Variants in CLCN4 observed in about 807,000 individuals in gnomAD.
The protein encoded by CLCN4 is H(+)/Cl(-) exchange transporter 4.
In CLCN4, 1 loss-of-function variant was observed where a neutral mutation model predicts 41.7. That is an observed-to-expected ratio of 0.02 (90% confidence interval 0.01 to 0.11). The LOEUF is 0.11. CLCN4 is among the 10% of genes least tolerant of loss of function. The pLI is 1.00. For missense variants in CLCN4, 287 were observed against 661.0 expected, an observed-to-expected ratio of 0.43 and a Z score of 6.20; for synonymous variants, 277 against 285.8, an observed-to-expected ratio of 0.97 and a Z score of 0.31.
At position 10,237,043 on chromosome X, in the gene CLCN4, T is replaced by C. The variant is rs960202482; in HGVS notation, c.*3459T>C. 1 of 112,404 alleles carries C rather than the reference T, an allele frequency of 8.9e-6. No homozygotes were observed. Among genetic ancestry groups the C allele is most frequent in the Non-Finnish European group, 1.9e-5 (1 of 53,297 alleles). 9.3% of individuals were successfully genotyped at this position (112,404 alleles called of 1,213,427 possible). On this transcript the variant is annotated 3_prime_UTR_variant, in exon 13 of 13. Coordinates refer to ENST00000380833, the MANE Select transcript of CLCN4 (RefSeq NM_001830.4). Reference sequence around the variant, plus strand: ...GTCGAAGTCATTCAATATTCAGTGCTTACTGTTACTTTGAACCAGGTAATC... The same window carrying C: ...GTCGAAGTCATTCAATATTCAGTGCCTACTGTTACTTTGAACCAGGTAATC...
At position 10,174,532 on chromosome X, in the gene CLCN4, G is replaced by A. The variant is rs750035584; in HGVS notation, c.-11-10490G>A. Among the ~76,000 whole-genome samples, 207 of 112,679 alleles carry A rather than the reference G, an allele frequency of 1.8e-3. 1 individual carries two copies. Among genetic ancestry groups the A allele is most frequent in the African/African-American group, 6.4e-3 (199 of 31,024 alleles). On this transcript the variant is annotated intron_variant, in intron 2 of 12. Transcript: ENST00000380833. ...TTCCAGGGCGGGCATTTTATAAACA[G>A]TCTTCAGGACCATCCTAGGAGGTGG... is the stretch of plus-strand genomic sequence containing the variant.
At chrX:10,167,449 G>A (rs1569222869) in intron 2 of CLCN4, among the ~76,000 whole-genome samples, 1 of 112,342 alleles carries the variant, frequency 8.9e-6, no homozygotes, top group African/African-American at 3.2e-5. Flanking sequence ...GATGGGCCTC[G>A]ACCATCCTAC....
chrX:10,163,750 G>C (rs1220791121), intron 2 of CLCN4, among the ~76,000 whole-genome samples: 1 of 111,979 alleles, frequency 8.9e-6, no homozygotes, highest in Non-Finnish European at 1.9e-5. Context: ...GGGTCTGTGC[G>C]TCTAGGCCAG....
intron 10 of CLCN4, among the ~76,000 whole-genome samples, 187 bp downstream of exon 10, chrX:10,212,840 G>GACACACACACACACACACAC (rs770285422): frequency 9.3e-6 from 1 of 107,470 alleles, no homozygotes; most frequent in Non-Finnish European, 1.9e-5. Flanking sequence ...TCACTATGCA[G>GACACACACACACACACACAC]ACACACACAC....
chrX:10,216,588 C>G (rs964089262), intron 11 of CLCN4, among the ~76,000 whole-genome samples: 1 of 110,437 alleles, frequency 9.1e-6, no homozygotes, highest in African/African-American at 3.3e-5. Context: ...TAAGGAAACT[C>G]TCAGGTTTTT....
At chrX:10,199,676 A>G (rs1924186872) in intron 6 of CLCN4, among the ~76,000 whole-genome samples, 1 of 112,608 alleles carries the variant, frequency 8.9e-6, no homozygotes, top group Non-Finnish European at 1.9e-5. Flanking sequence ...AATTTGAGTT[A>G]TGCTCAAATT....
intron 4 of CLCN4, among the ~76,000 whole-genome samples, chrX:10,192,244 T>TACACAC (rs56033729): frequency 0.029 from 2,897 of 100,440 alleles, 48 homozygotes; most frequent in Non-Finnish European, 0.039. Context: ...CTAGTGGAAG[T>TACACAC]ACACACACAC....
At chrX:10,226,057 G>T (rs1454017455) in intron 12 of CLCN4, among the ~76,000 whole-genome samples, 1 of 111,440 alleles carries the variant, frequency 9.0e-6, no homozygotes, top group Non-Finnish European at 1.9e-5. Flanking sequence ...TGGGCTATAT[G>T]GACTCTCCAC....
At chrX:10,213,543 G>T in intron 10 of CLCN4, 138 bp from the exon 11 acceptor site, 1 of 586,278 alleles carries the variant, frequency 1.7e-6, no homozygotes, top group Non-Finnish European at 2.7e-6. Flanking sequence ...CAGAGGCCCA[G>T]TGTAGGAAGC....
chrX:10,168,195 C>A (rs1412361214), intron 2 of CLCN4, among the ~76,000 whole-genome samples: 1 of 112,131 alleles, frequency 8.9e-6, no homozygotes, highest in East Asian at 2.8e-4. Context: ...TCTTTATAGC[C>A]TGGAGGCTTC....
chrX:10,229,224 C>T (rs972892607), intron 12 of CLCN4, among the ~76,000 whole-genome samples: 1 of 110,813 alleles, frequency 9.0e-6, no homozygotes, highest in Non-Finnish European at 1.9e-5. Flanking sequence ...GTAACAAAGC[C>T]GCCTTTCCTA....
chrX:10,225,576 T>A (rs971470540), intron 12 of CLCN4, among the ~76,000 whole-genome samples: 5 of 112,484 alleles, frequency 4.4e-5, no homozygotes, highest in African/African-American at 1.6e-4. Context: ...TCTTTTGCTG[T>A]GCAGAAGCTC....
chrX:10,236,353 TCTTA>T lies in CLCN4; in HGVS notation c.*2773_*2776del, dbSNP rs759510563. The T allele has an allele frequency of 8.9e-6, 1 of 112,040 alleles. No individual in the cohort carries two copies. The allele number at this position is 112,040 out of a possible 1,213,427, so 9.2% of individuals were successfully genotyped here. A position where few individuals can be genotyped will look rare whatever the true frequency, so the allele number is the denominator to read the frequency against. On this transcript the variant is annotated 3_prime_UTR_variant, in exon 13 of 13. Transcript: ENST00000380833. The stretch of plus-strand genomic sequence containing the variant: ...GAGTTACTTGACTGAAACAACCCAA[TCTTA>T]CTTTCTTTCGTAAGTTGAACCTCTG...
intron 12 of CLCN4, among the ~76,000 whole-genome samples, chrX:10,228,471 C>T (rs975078201): frequency 9.0e-6 from 1 of 110,914 alleles, no homozygotes; most frequent in Non-Finnish European, 1.9e-5. Flanking sequence ...CTGGGACCAA[C>T]GACAGTGGGG....
chrX:10,181,984 C>T (rs1180803836), intron 2 of CLCN4, among the ~76,000 whole-genome samples: 2 of 112,187 alleles, frequency 1.8e-5, no homozygotes, highest in Non-Finnish European at 3.8e-5. Context: ...CCTACTGATA[C>T]TTTTTTGCCT....
intron 9 of CLCN4, among the ~76,000 whole-genome samples, chrX:10,211,289 G>C (rs867429237): frequency 2.8e-5 from 2 of 71,667 alleles, no homozygotes; most frequent in South Asian, 8.2e-4. Flanking sequence ...AAAAAAAAAA[G>C]AAAAAAATTC....
intron 2 of CLCN4, among the ~76,000 whole-genome samples, chrX:10,158,917 A>G (rs1357437406): frequency 8.8e-6 from 1 of 113,365 alleles, no homozygotes; most frequent in Non-Finnish European, 1.9e-5. Context: ...GTAACTATCA[A>G]GTGTTTTCCT....
At chrX:10,175,945 C>CTCTCCCCCTCCCTCCCT (rs1923517208) in intron 2 of CLCN4, among the ~76,000 whole-genome samples, 3 of 42,018 alleles carry the variant, frequency 7.1e-5, no homozygotes, top group African/African-American at 9.3e-5. Flanking sequence ...CCTCCCTCTC[C>CTCTCCCCCTCCCTCCCT]CTCTCTCTCT....
chrX:10,230,397 G>A (rs181512715), intron 12 of CLCN4, among the ~76,000 whole-genome samples: 6 of 112,223 alleles, frequency 5.3e-5, no homozygotes, highest in Admixed American at 9.4e-5. Flanking sequence ...GTGATTTGGC[G>A]AAGTATTGGG....
Sources: gnomAD v4.1 joint callset for allele counts (sites outside exome capture counted in the v4.1 genomes callset) on GRCh38, gnomAD v4.1.1 for gene constraint, MANE v1.5 for transcripts, NCBI Gene and HGNC (gene_info 2026-07-23, HGNC 2026-07-21) for gene names.